KLHL21: variants seen among roughly 807,000 people sequenced by gnomAD.
KLHL21 encodes the protein kelch like family member 21, also known as kelch-like protein 21.
In KLHL21, 42 loss-of-function variants were observed where a neutral mutation model predicts 44.1. That is an observed-to-expected ratio of 0.95 (90% CI 0.74 to 1.23). The LOEUF (loss-of-function observed/expected upper bound fraction) is 1.23. Among genes scored for constraint, KLHL21 ranks in the 50% most tolerant of loss-of-function variants. The pLI, the probability that KLHL21 is intolerant of heterozygous loss-of-function variation, is 0.00. For missense variants in KLHL21, 918 were observed against 889.1 expected (o/e 1.03, Z -0.41); for synonymous variants, 524 against 411.6 (o/e 1.27, Z -3.31).
At chr1:6,600,838 A>C (rs2148703815) in intron 1 of KLHL21, among the ~76,000 whole-genome samples, 1 of 152,334 alleles carries the variant, frequency 6.6e-6, no homozygotes, top group East Asian at 1.9e-4. Context: ...ATTCTGGCAG[A>C]ACCCAGCAGA....
At chr1:6,593,690 C>T (rs368969649) in intron 3 of KLHL21, 32 bp from the exon 4 acceptor site, 174 of 1,541,226 alleles carry the variant, frequency 1.1e-4, no homozygotes, top group Admixed American at 1.1e-3. Context: ...GAGTGGAGGT[C>T]AGAGGAGAGG....
chr1:6,595,180 C>A, intron 3 of KLHL21: 1 of 573,878 alleles, frequency 1.7e-6, no homozygotes, highest in Non-Finnish European at 3.1e-6. Context: ...CTGTCCCTCT[C>A]TGGAACAGGT....
intron 3 of KLHL21, chr1:6,594,111 C>T (rs778602884): frequency 4.6e-5 from 46 of 993,856 alleles, no homozygotes; most frequent in Non-Finnish European, 5.3e-5. Context: ...GTGCAGCTTA[C>T]TGCGGGGAAA....
In KLHL21 at chr1:6,590,760, G is replaced by A. The variant is rs1570186947; in HGVS notation, c.*2605C>T. 5.1e-6 allele frequency: 2 copies of A among 393,998 alleles called. No individual in the cohort carries two copies. Among genetic ancestry groups the A allele is most frequent in the Middle Eastern group, 6.3e-4 (1 of 1,590 alleles). 24.4% of individuals were successfully genotyped at this position (393,998 alleles called of 1,614,324 possible). A position where few individuals can be genotyped will look rare whatever the true frequency, so the allele number is the denominator to read the frequency against. On this transcript the variant is annotated 3_prime_UTR_variant, in exon 4 of 4. Coordinates refer to ENST00000377658, the MANE Select transcript of KLHL21 (RefSeq NM_014851.4). ...TACTTTTATTGCAAAAAGTACTGAAGGTACCCTAAAACCTTAAGCAGGATT... is the reference window on the plus strand; with the variant it reads ...TACTTTTATTGCAAAAAGTACTGAAAGTACCCTAAAACCTTAAGCAGGATT...
In KLHL21 at chr1:6,592,061, G is replaced by A. The variant is rs1640858435; in HGVS notation, c.*1304C>T. The A allele has an allele frequency of 6.6e-6, 1 of 152,306 alleles. No individual in the cohort carries two copies. Among genetic ancestry groups the A allele is most frequent in the African/African-American group, 2.4e-5 (1 of 41,456 alleles). The allele number at this position is 152,306 out of a possible 1,614,324, so 9.4% of individuals were successfully genotyped here. A position where few individuals can be genotyped will look rare whatever the true frequency, so the allele number is the denominator to read the frequency against. On this transcript the variant is annotated 3_prime_UTR_variant, in exon 4 of 4. Transcript: ENST00000377658. ...TATGGACTGGGCTCTTGAGGAGCAC[G>A]AGGGAGAGGCCAGGCAGCCCTGTCA...
chr1:6,596,414 TAGTG>T (rs1264331655), intron 2 of KLHL21, among the ~76,000 whole-genome samples: 3 of 152,026 alleles, frequency 2.0e-5, no homozygotes, highest in African/African-American at 2.4e-5. Context: ...CTGGGAGGCA[TAGTG>T]AGTGAGACTT....
intron 2 of KLHL21, among the ~76,000 whole-genome samples, chr1:6,596,717 C>T (rs370189902): frequency 6.6e-6 from 1 of 152,302 alleles, no homozygotes; most frequent in African/African-American, 2.4e-5. Context: ...CTAGGCTGCC[C>T]TGTCTTTCCC....
At chr1:6,601,700 G>A (rs1472108919) in intron 1 of KLHL21, 97 bp downstream of exon 1, 9 of 1,447,070 alleles carry the variant, frequency 6.2e-6, no homozygotes, top group East Asian at 2.5e-5. Flanking sequence ...TGCGCCCCTA[G>A]GATTCCAGGC....
chr1:6,597,099 G>A (rs927155891), intron 2 of KLHL21, among the ~76,000 whole-genome samples: 18 of 152,346 alleles, frequency 1.2e-4, no homozygotes, highest in Middle Eastern at 3.4e-3. Flanking sequence ...GAGCCTGGGC[G>A]CCCCTCCTCT....
At chr1:6,594,208 T>C (rs1570192958) in intron 3 of KLHL21, 1 of 402,320 alleles carries the variant, frequency 2.5e-6, no homozygotes, top group Non-Finnish European at 3.4e-6. Context: ...GGTTTGGAAA[T>C]GTTAACAGAC....
Position 6,599,104 on chromosome 1 carries a change from G to A in KLHL21, c.1370C>T (p.Pro457Leu), listed in dbSNP as rs374506252. ...LWSLVDCGQL[P>L]PWSFAPKTAT... ...AGTCTTGGGGGCGAAGGACCAGGGC[G>A]GGAGCTGGCCGCAGTCCACCAGCGA... The change falls in exon 2 of 4, where the codon CCG becomes CTG. Residue 457 changes from proline to leucine, a missense_variant. Coordinates refer to ENST00000377658, the MANE Select transcript of KLHL21 (RefSeq NM_014851.4). 13 of 1,612,336 alleles carry A rather than the reference G, an allele frequency of 8.1e-6. No homozygotes were observed. Among genetic ancestry groups the A allele is most frequent in the East Asian group, 4.5e-5 (2 of 44,826 alleles).
At position 6,602,093 on chromosome 1, in the gene KLHL21, G is replaced by T; in HGVS notation, c.725C>A (p.Pro242Gln). ...GCAGGGTGGGCAGCGCGCCACCAGC[G>T]GCTCGGCCTCGACGTGCGCCAACAG... ...FYLLAHVEAE[P>Q]LVARCPPCLR... The change falls in exon 1 of 4, where the codon CCG becomes CAG. Residue 242 changes from proline (P) to glutamine (Q), a missense_variant. Transcript: ENST00000377658. 1 of 1,482,028 alleles carries T rather than the reference G, an allele frequency of 6.7e-7. No homozygotes were observed. Among genetic ancestry groups the T allele is most frequent in the Non-Finnish European group, 8.9e-7 (1 of 1,121,092 alleles). 91.8% of individuals were successfully genotyped at this position (1,482,028 alleles called of 1,614,324 possible).
rs757466075 is a variant in KLHL21 at position 6,599,252 on chromosome 1, T to C, written c.1222A>G (p.Met408Val). 6.2e-7 allele frequency: 1 copy of C among 1,614,064 alleles called. No individual in the cohort carries two copies. The highest frequency in any genetic ancestry group is 2.2e-5 in the East Asian group (1 of 44,884). ...TTDSWEALQP[M>V]TYPMDNCSTT... ...GAGCAGTTGTCCATGGGGTAGGTCATGGGCTGCAGGGCCTCCCAGGAGTCA... is the reference window on the plus strand; with the variant it reads ...GAGCAGTTGTCCATGGGGTAGGTCACGGGCTGCAGGGCCTCCCAGGAGTCA... Residue 408 changes from methionine (M) to valine (V), a missense_variant, in exon 2 of 4, where the codon ATG becomes GTG. Met to Val is a conservative substitution (Grantham distance 21, BLOSUM62 1). Coordinates refer to ENST00000377658, the MANE Select transcript of KLHL21 (RefSeq NM_014851.4).
chr1:6,591,222 AC>A lies in KLHL21; in HGVS notation c.*2142del. On this transcript the variant is annotated 3_prime_UTR_variant, in exon 4 of 4. Transcript: ENST00000377658. ...GTTTTCCCCATACTTGGTCTTCTAA[AC>A]CCAAAGACAGGGTCCTGATGGTGGA... 2.6e-6 allele frequency: 1 copy of A among 382,502 alleles called. No homozygotes were observed. The highest frequency in any genetic ancestry group is 1.5e-4 in the South Asian group (1 of 6,840). The allele number at this position is 382,502 out of a possible 1,614,324, so 23.7% of individuals were successfully genotyped here.
At chr1:6,599,657 C>A in intron 1 of KLHL21, 1 of 603,602 alleles carries the variant, frequency 1.7e-6, no homozygotes, top group Non-Finnish European at 2.9e-6. Flanking sequence ...AGCGAGATGA[C>A]TGCTGCCAAG....
chr1:6,593,729 C>A, intron 3 of KLHL21, 71 bp from the exon 4 acceptor site: 2 of 1,487,062 alleles, frequency 1.3e-6, no homozygotes, highest in Non-Finnish European at 1.8e-6. Flanking sequence ...TGGGGAACCA[C>A]TGGAGACAAG....
rs548189359 is a variant in KLHL21, at chr1:6,590,792, A to G, written c.*2573T>C. On this transcript the variant is annotated 3_prime_UTR_variant, in exon 4 of 4. Transcript: ENST00000377658. ...TAAAACCTTAAGCAGGATTCTGGAC[A>G]TGGAAGCCTACAGAATAGACAAAAA... 4.9e-4 allele frequency: 196 copies of G among 396,770 alleles called. No individual in the cohort carries two copies. The East Asian group carries it at 6.9e-3, about 14-fold the overall frequency. The allele number at this position is 396,770 out of a possible 1,614,324, so 24.6% of individuals were successfully genotyped here. A position where few individuals can be genotyped will look rare whatever the true frequency, so the allele number is the denominator to read the frequency against.
chr1:6,590,848 G>A lies in KLHL21; in HGVS notation c.*2517C>T, dbSNP rs1442647979. On this transcript the variant is annotated 3_prime_UTR_variant, in exon 4 of 4. Coordinates refer to ENST00000377658, the MANE Select transcript of KLHL21 (RefSeq NM_014851.4). ...ATGTCAACCTGCCCGACCCTCTGGG[G>A]TGAACTGGATGTGGACACTGGAGGG... 2.5e-6 allele frequency: 1 copy of A among 398,486 alleles called. No individual in the cohort carries two copies. Among genetic ancestry groups the A allele is most frequent in the East Asian group, 3.6e-5 (1 of 28,080 alleles). The allele number at this position is 398,486 out of a possible 1,614,324, so 24.7% of individuals were successfully genotyped here.
In KLHL21 at chr1:6,599,394, A is replaced by G. The variant is rs111512176; in HGVS notation, c.1080T>C (p.Asn360=). Residue 360 remains asparagine (N), a synonymous_variant, in exon 2 of 4, where the codon AAT becomes AAC. Transcript: ENST00000377658. ...GCATGGGCGCCACCTCCGCCCACTCATTCACGCTTGAGTTGTACCTCCACA... is the reference window on the plus strand; with the variant it reads ...GCATGGGCGCCACCTCCGCCCACTCGTTCACGCTTGAGTTGTACCTCCACA... ...DCVWRYNSSV[N]EWAEVAPMLK... The G allele has an allele frequency of 1.2e-3, 1,915 of 1,613,530 alleles. 28 individuals are homozygous for G. The African/African-American group carries it at 0.023, about 19-fold the overall frequency.
Sources: allele counts gnomAD v4.1 joint callset (sites outside exome capture counted in the v4.1 genomes callset), GRCh38; gene constraint gnomAD v4.1.1; transcripts MANE v1.5; gene names NCBI Gene and HGNC (gene_info 2026-07-23, HGNC 2026-07-21).